PTCD2: variants seen among roughly 807,000 people sequenced by gnomAD.
PTCD2 encodes the protein pentatricopeptide repeat-containing protein 2, mitochondrial.
A neutral mutation model predicts 42.6 loss-of-function variants in PTCD2; 31 were observed. The observed-to-expected ratio is 0.73, with a 90% CI of 0.55 to 0.98. The LOEUF (loss-of-function observed/expected upper bound fraction) is 0.98. Among genes scored for constraint, PTCD2 ranks in the 50% least tolerant of loss-of-function variants. The pLI, the probability that PTCD2 is intolerant of heterozygous loss-of-function variation, is 0.00. For synonymous variants in PTCD2, 183 were observed against 170.9 expected (o/e 1.07, Z -0.55); for missense variants, 476 against 454.8 (o/e 1.05, Z -0.42).
intron 8 of PTCD2, among the ~76,000 whole-genome samples, chr5:72,351,473 G>A (rs1012123070): frequency 1.6e-4 from 24 of 152,280 alleles, no homozygotes; most frequent in African/African-American, 5.5e-4. Flanking sequence ...TTTGCCCCTA[G>A]CCAGTTACTG....
chr5:72,357,797 G>C (rs1202231792), intron 9 of PTCD2, among the ~76,000 whole-genome samples: 1 of 150,704 alleles, frequency 6.6e-6, no homozygotes, highest in East Asian at 1.9e-4. Flanking sequence ...TAATACTGCT[G>C]TCTGTGTGCC....
intron 5 of PTCD2, 70 bp downstream of exon 5, chr5:72,335,166 A>G: frequency 2.3e-6 from 2 of 856,006 alleles, no homozygotes; most frequent in Non-Finnish European, 2.0e-6. Context: ...AGGGGGAAAA[A>G]TGAGTCATGC....
intron 9 of PTCD2, among the ~76,000 whole-genome samples, chr5:72,355,396 T>G (rs1335672250): frequency 6.6e-6 from 1 of 152,132 alleles, no homozygotes; most frequent in Non-Finnish European, 1.5e-5. Context: ...ATTTGACAAT[T>G]AAAGTAATTG....
chr5:72,348,271 T>C (rs1388997298), intron 8 of PTCD2, among the ~76,000 whole-genome samples: 1 of 152,232 alleles, frequency 6.6e-6, no homozygotes, highest in Non-Finnish European at 1.5e-5. Flanking sequence ...TAAAGGCAGC[T>C]TATTAATTAT....
intron 1 of PTCD2, 60 bp downstream of exon 1, chr5:72,320,569 T>G (rs1416925992): frequency 6.2e-7 from 1 of 1,604,066 alleles, no homozygotes; most frequent in South Asian, 1.1e-5. Flanking sequence ...GAGTGTTAGA[T>G]CCCAGCTAGC....
At position 72,329,339 on chromosome 5, in the gene PTCD2, A is replaced by G. The variant is rs1378590880; in HGVS notation, c.351-1919A>G. 2.6e-5 allele frequency among the ~76,000 whole-genome samples: 4 copies of G among 152,206 alleles called. No individual in the cohort carries two copies. In the East Asian group the frequency reaches 7.7e-4, roughly 29 times the overall value. On this transcript the variant is annotated intron_variant, in intron 3 of 9. Transcript: ENST00000380639. ...CCGTGGCTGGGAAAGGAGAGTCACGAGCTGAAACATAAGCTTTTTATTGAG... is the reference window on the plus strand; with the variant it reads ...CCGTGGCTGGGAAAGGAGAGTCACGGGCTGAAACATAAGCTTTTTATTGAG...
chr5:72,355,081 GGTTAT>G lies in PTCD2; in HGVS notation c.942+2331_942+2335del, dbSNP rs372504871. Among the ~76,000 whole-genome samples, 64 of 152,232 alleles carry G rather than the reference GGTTAT, an allele frequency of 4.2e-4. No homozygotes were observed. In the East Asian group the frequency reaches 0.01, roughly 24 times the overall value. The stretch of plus-strand genomic sequence containing the variant: ...ACGATAAAAAAAACAAAACTTAAGT[GGTTAT>G]GTTGATTTCTTTTTCAGATCTTTTT... On this transcript the variant is annotated intron_variant, in intron 9 of 9. Coordinates refer to ENST00000380639, the MANE Select transcript of PTCD2 (RefSeq NM_024754.5).
Position 72,363,665 on chromosome 5 carries a change from A to G in PTCD2, c.*5238A>G, listed in dbSNP as rs1302931192. On this transcript the variant is annotated 3_prime_UTR_variant, in exon 10 of 10. Transcript: ENST00000380639. ...GTCTGTAGTCTCTACCATCTGCCCT[A>G]CACATAATAAGTACCCTTCCTCTGC... is the stretch of plus-strand genomic sequence containing the variant. The G allele has an allele frequency of 6.6e-6, 1 of 152,226 alleles. No individual in the cohort carries two copies. Among genetic ancestry groups the G allele is most frequent in the Non-Finnish European group, 1.5e-5 (1 of 68,052 alleles). 9.4% of individuals were successfully genotyped at this position (152,226 alleles called of 1,614,324 possible). A position where few individuals can be genotyped will look rare whatever the true frequency, so the allele number is the denominator to read the frequency against.
intron 7 of PTCD2, among the ~76,000 whole-genome samples, chr5:72,341,391 T>G (rs911186977): frequency 6.6e-6 from 1 of 152,094 alleles, no homozygotes; most frequent in Non-Finnish European, 1.5e-5. Flanking sequence ...TTTAAAAATA[T>G]CATCTTTATG....
chr5:72,332,931 A>G (rs115015834), intron 4 of PTCD2, among the ~76,000 whole-genome samples: 4,238 of 152,342 alleles, frequency 0.028, 205 homozygotes, highest in African/African-American at 0.096. Flanking sequence ...TATATTGATT[A>G]CATGTTGAAA....
At chr5:72,357,523 A>T (rs987705138) in intron 9 of PTCD2, among the ~76,000 whole-genome samples, 1 of 152,134 alleles carries the variant, frequency 6.6e-6, no homozygotes, top group African/African-American at 2.4e-5. Flanking sequence ...ATCATTTCCC[A>T]CTTTAGATGC....
rs889933911 is a variant in PTCD2 at position 72,361,918 on chromosome 5, A to G, written c.*3491A>G. On this transcript the variant is annotated 3_prime_UTR_variant, in exon 10 of 10. Transcript: ENST00000380639. ...GTTAGGTGAACTCCCCATGTGCCCC[A>G]TGTACCTCATTTATCAAAGTGCTTA... 9.2e-5 allele frequency: 14 copies of G among 152,224 alleles called. No individual in the cohort carries two copies. Among genetic ancestry groups the G allele is most frequent in the African/African-American group, 3.4e-4 (14 of 41,442 alleles). 9.4% of individuals were successfully genotyped at this position (152,224 alleles called of 1,614,324 possible).
At chr5:72,357,844 A>T (rs1216711258) in intron 9 of PTCD2, among the ~76,000 whole-genome samples, 15 of 147,920 alleles carry the variant, frequency 1.0e-4, no homozygotes, top group Non-Finnish European at 1.6e-4. Context: ...GGTGTATACC[A>T]TACTTTTTTT....
chr5:72,350,338 C>A (rs1429727821), intron 8 of PTCD2, among the ~76,000 whole-genome samples: 2 of 152,196 alleles, frequency 1.3e-5, no homozygotes, highest in Non-Finnish European at 2.9e-5. Flanking sequence ...ATCTTTGCAT[C>A]AGTTTCCTGA....
intron 3 of PTCD2, among the ~76,000 whole-genome samples, chr5:72,328,547 G>A (rs980687303): frequency 3.9e-5 from 6 of 152,182 alleles, no homozygotes; most frequent in South Asian, 4.1e-4. Flanking sequence ...CATACAGAGA[G>A]GGAAGAAATT....
Position 72,331,350 on chromosome 5 carries a change from CT to C in PTCD2, c.444del (p.Ala149GlnfsTer5). On this transcript the variant is annotated frameshift_variant, in exon 4 of 10. Coordinates refer to ENST00000380639, the MANE Select transcript of PTCD2 (RefSeq NM_024754.5). LOFTEE classifies it high-confidence loss of function. ...TGTTACGAGTTGGATCTCGAGGAAT[CT>C]GCAGTGGAGCTCATGAAAGACCAGG... ...RLCYELDLEE[S>X]AVELMKDQHL... The C allele has an allele frequency of 6.2e-7, 1 of 1,612,828 alleles. No homozygotes were observed. The highest frequency in any genetic ancestry group is 8.5e-7 in the Non-Finnish European group (1 of 1,178,800).
chr5:72,325,280 G>A (rs1751079375), intron 2 of PTCD2, among the ~76,000 whole-genome samples: 1 of 152,212 alleles, frequency 6.6e-6, no homozygotes, highest in South Asian at 2.1e-4. Context: ...TCTCTTTGAT[G>A]ACTTGAGACT....
Position 72,352,689 on chromosome 5 carries a change from C to G in PTCD2, c.877C>G (p.Leu293Val), listed in dbSNP as rs1752679582. Reference sequence around the variant, plus strand: ...TATGTTGGAAAACCTGATAAAGACTCTAAAAAATGCTGCAGAAGGAAATTT... The same window carrying G: ...TATGTTGGAAAACCTGATAAAGACTGTAAAAAATGCTGCAGAAGGAAATTT... ...SNMLENLIKT[L>V]KNAAEGNLSK... The change falls in exon 9 of 10, where the codon CTA becomes GTA. Residue 293 changes from leucine (L) to valine (V), a missense_variant. Physicochemically the swap from Leu to Val is conservative, Grantham distance 32 (BLOSUM62 1). Coordinates refer to ENST00000380639, the MANE Select transcript of PTCD2 (RefSeq NM_024754.5). 3.1e-6 allele frequency: 5 copies of G among 1,604,002 alleles called. No individual in the cohort carries two copies. Among genetic ancestry groups the G allele is most frequent in the African/African-American group, 1.3e-5 (1 of 74,512 alleles).
intron 6 of PTCD2, among the ~76,000 whole-genome samples, chr5:72,336,760 T>C (rs1424661481): frequency 1.3e-5 from 2 of 151,978 alleles, no homozygotes; most frequent in African/African-American, 2.4e-5. Context: ...ACCAGGATTA[T>C]TTCTTGCCCA....
Sources: gnomAD v4.1 joint callset for allele counts (sites outside exome capture counted in the v4.1 genomes callset) on GRCh38, gnomAD v4.1.1 for gene constraint, MANE v1.5 for transcripts, NCBI Gene and HGNC (gene_info 2026-07-23, HGNC 2026-07-21) for gene names.